Variants in MSRA observed in about 807,000 individuals in gnomAD.
MSRA encodes the protein mitochondrial peptide methionine sulfoxide reductase.
Under a neutral mutation model 31.3 loss-of-function variants are expected in MSRA, and 54 were observed. The ratio of observed to expected loss-of-function variants is 1.73; its 90% CI spans 1.39 to 2.17. The LOEUF is 2.17. Ranked by LOEUF, MSRA falls within the 30% of genes most tolerant of loss-of-function variation. The pLI is 0.00. For missense variants in MSRA, 507 were observed against 300.9 expected, an observed-to-expected ratio of 1.69 and a Z score of -5.07; for synonymous variants, 169 against 116.5, an observed-to-expected ratio of 1.45 and a Z score of -2.90.
intron 1 of MSRA, among the ~76,000 whole-genome samples, chr8:10,115,183 T>C (rs749184806): frequency 6.6e-6 from 1 of 152,218 alleles, no homozygotes; most frequent in African/African-American, 2.4e-5. Context: ...TGTAAAGTTA[T>C]ATCCCTGTCT....
At chr8:10,199,717 C>G (rs959501340) in intron 1 of MSRA, among the ~76,000 whole-genome samples, 1 of 152,196 alleles carries the variant, frequency 6.6e-6, no homozygotes, top group South Asian at 2.1e-4. Flanking sequence ...AGAATGCCCT[C>G]TATTTGCATA....
intron 3 of MSRA, among the ~76,000 whole-genome samples, chr8:10,280,017 A>G (rs1799534422): frequency 1.3e-5 from 2 of 152,238 alleles, no homozygotes; most frequent in African/African-American, 4.8e-5. Context: ...TAAAATAGTT[A>G]TTAAAGATAG....
At chr8:10,296,729 G>T (rs1022912231) in intron 3 of MSRA, among the ~76,000 whole-genome samples, 1 of 152,216 alleles carries the variant, frequency 6.6e-6, no homozygotes, top group Admixed American at 6.5e-5. Context: ...CCCAGCATGG[G>T]TGTGGGTCCC....
At chr8:10,136,020 G>T (rs542041187) in intron 1 of MSRA, among the ~76,000 whole-genome samples, 1 of 151,626 alleles carries the variant, frequency 6.6e-6, no homozygotes, top group Non-Finnish European at 1.5e-5. Flanking sequence ...CCTGCATGTC[G>T]GGTGAGTTAG....
intron 3 of MSRA, among the ~76,000 whole-genome samples, chr8:10,245,699 C>G (rs1490057545): frequency 6.6e-6 from 1 of 152,224 alleles, no homozygotes; most frequent in Non-Finnish European, 1.5e-5. Flanking sequence ...GACCATATGT[C>G]TTCAGCACAC....
chr8:10,405,197 C>G (rs1807727661), intron 5 of MSRA, among the ~76,000 whole-genome samples: 1 of 152,186 alleles, frequency 6.6e-6, no homozygotes, highest in Admixed American at 6.5e-5. Context: ...AGCCCAGCCT[C>G]CCTCTGGGAG....
chr8:10,267,579 A>G (rs1563288812), intron 3 of MSRA, among the ~76,000 whole-genome samples: 1 of 152,050 alleles, frequency 6.6e-6, no homozygotes. Context: ...TATGGGTCCT[A>G]GTATTTAGCC....
intron 5 of MSRA, among the ~76,000 whole-genome samples, chr8:10,365,142 C>CAA (rs1171189760): frequency 0.081 from 4,976 of 61,058 alleles, 230 homozygotes; most frequent in Middle Eastern, 0.19. Context: ...GTGAAGCAAC[C>CAA]AAAAAAAAAA....
intron 1 of MSRA, among the ~76,000 whole-genome samples, chr8:10,149,457 C>G (rs901823757): frequency 6.6e-6 from 1 of 152,186 alleles, no homozygotes; most frequent in Admixed American, 6.5e-5. Context: ...GTCCTGCTGC[C>G]CTCCCTGCCC....
At chr8:10,278,096 A>C (rs1801000025) in intron 3 of MSRA, among the ~76,000 whole-genome samples, 1 of 150,896 alleles carries the variant, frequency 6.6e-6, no homozygotes, top group Non-Finnish European at 1.5e-5. Context: ...CACTTGAGGC[A>C]TTTATTTATT....
At chr8:10,179,628 G>A (rs1156809958) in intron 1 of MSRA, among the ~76,000 whole-genome samples, 1 of 152,142 alleles carries the variant, frequency 6.6e-6, no homozygotes, top group African/African-American at 2.4e-5. Flanking sequence ...GCCCTGAATC[G>A]ACCCAGCTGA....
chr8:10,174,313 G>A (rs553157718), intron 1 of MSRA, among the ~76,000 whole-genome samples: 1 of 152,264 alleles, frequency 6.6e-6, no homozygotes, highest in South Asian at 2.1e-4. Context: ...AAAAGAGAAG[G>A]TGAGCCGAGC....
intron 1 of MSRA, among the ~76,000 whole-genome samples, chr8:10,123,063 C>G (rs1386234407): frequency 3.9e-5 from 6 of 152,194 alleles, no homozygotes; most frequent in Admixed American, 6.5e-5. Flanking sequence ...TGGGACTGCT[C>G]TGTCAAATAG....
chr8:10,317,937 T>C (rs1801820848), intron 4 of MSRA, among the ~76,000 whole-genome samples: 1 of 152,104 alleles, frequency 6.6e-6, no homozygotes, highest in Admixed American at 6.5e-5. Flanking sequence ...GATACCTATG[T>C]GGTTACACGC....
At chr8:10,231,677 C>T (rs1038972297) in intron 2 of MSRA, among the ~76,000 whole-genome samples, 3 of 152,018 alleles carry the variant, frequency 2.0e-5, no homozygotes, top group African/African-American at 4.8e-5. Context: ...CTGAGGTGGG[C>T]AGATTACCTG....
chr8:10,400,305 A>G (rs949170009), intron 5 of MSRA, among the ~76,000 whole-genome samples: 2 of 151,764 alleles, frequency 1.3e-5, no homozygotes, highest in African/African-American at 4.8e-5. Context: ...AGACAAGAAA[A>G]AAATAAATCA....
At chr8:10,153,201 A>G (rs1803861185) in intron 1 of MSRA, among the ~76,000 whole-genome samples, 2 of 152,310 alleles carry the variant, frequency 1.3e-5, no homozygotes, top group African/African-American at 4.8e-5. Context: ...AGTGAAGCTT[A>G]TTAAGGATAG....
chr8:10,284,487 C>A (rs1445796534), intron 3 of MSRA, among the ~76,000 whole-genome samples: 2 of 152,164 alleles, frequency 1.3e-5, no homozygotes, highest in Non-Finnish European at 2.9e-5. Flanking sequence ...AGCCAACATG[C>A]CCGGCACGGA....
intron 3 of MSRA, among the ~76,000 whole-genome samples, chr8:10,261,624 C>A (rs905538852): frequency 6.6e-6 from 1 of 152,152 alleles, no homozygotes; most frequent in Non-Finnish European, 1.5e-5. Flanking sequence ...TCCAATGTTA[C>A]CGCCTGCCAC....
Sources: allele counts gnomAD v4.1 joint callset (sites outside exome capture counted in the v4.1 genomes callset), GRCh38; gene constraint gnomAD v4.1.1; transcripts MANE v1.5; gene names NCBI Gene and HGNC (gene_info 2026-07-23, HGNC 2026-07-21).